The following ULK4 variants were observed in gnomAD, a reference collection of about 807,000 sequenced individuals.
ULK4 encodes unc-51 like kinase 4, also known as inactive serine/threonine-protein kinase ULK4.
ULK4 carries 133 observed loss-of-function variants against 160.6 expected under a neutral mutation model. The ratio of observed to expected loss-of-function variants is 0.83; its 90% CI spans 0.72 to 0.96. ULK4 has a LOEUF of 0.96. Among genes scored for constraint, ULK4 ranks in the 40% least tolerant of loss-of-function variants. The probability of loss-of-function intolerance (pLI) is 0.00; values close to 1 mark genes in which losing one functional copy is unlikely to be tolerated. For missense variants in ULK4, 1,580 were observed against 1,499.5 expected (o/e 1.05, Z -0.89); for synonymous variants, 534 against 539.8 (o/e 0.99, Z 0.15).
chr3:41,529,756 G>C (rs1164906796), intron 32 of ULK4, among the ~76,000 whole-genome samples: 1 of 152,194 alleles, frequency 6.6e-6, no homozygotes, highest in East Asian at 1.9e-4. Context: ...GCCTCCCAAA[G>C]TGCTGGGACT....
intron 35 of ULK4, among the ~76,000 whole-genome samples, chr3:41,378,230 G>T (rs1464926503): frequency 8.2e-4 from 100 of 122,256 alleles, no homozygotes; most frequent in Non-Finnish European, 1.5e-3. Flanking sequence ...GTCGTGGGGT[G>T]GGGGGAGGGG....
At chr3:41,492,285 T>C (rs1400084309) in intron 32 of ULK4, among the ~76,000 whole-genome samples, 1 of 152,190 alleles carries the variant, frequency 6.6e-6, no homozygotes, top group Admixed American at 6.5e-5. Context: ...TCTCTAGTTC[T>C]AGATCCCTGA....
At chr3:41,464,648 C>A (rs1232619138) in intron 32 of ULK4, among the ~76,000 whole-genome samples, 1 of 152,154 alleles carries the variant, frequency 6.6e-6, no homozygotes, top group East Asian at 1.9e-4. Context: ...GATAGAAGGG[C>A]TTGAAAACAT....
chr3:41,410,081 C>T (rs1376293876), intron 34 of ULK4, among the ~76,000 whole-genome samples: 1 of 152,108 alleles, frequency 6.6e-6, no homozygotes, highest in Non-Finnish European at 1.5e-5. Flanking sequence ...CTGAAACCCT[C>T]ATATACTGCT....
At chr3:41,344,752 C>CAAAAAAAAAAAAAAAAAAAAAAAAAAAAA (rs59466358) in intron 35 of ULK4, among the ~76,000 whole-genome samples, 1 of 62,820 alleles carries the variant, frequency 1.6e-5, no homozygotes, top group Non-Finnish European at 3.1e-5. Context: ...GACTCTGTCT[C>CAAAAAAAAAAAAAAAAAAAAAAAAAAAAA]AAAAAAAAAA....
chr3:41,711,934 C>T (rs2037109804), intron 25 of ULK4, among the ~76,000 whole-genome samples: 1 of 152,170 alleles, frequency 6.6e-6, no homozygotes, highest in Non-Finnish European at 1.5e-5. Context: ...GGAGAGGGAG[C>T]TGAGTAAGAC....
intron 30 of ULK4, among the ~76,000 whole-genome samples, chr3:41,624,904 A>AT (rs910020194): frequency 4.7e-4 from 71 of 150,882 alleles, no homozygotes; most frequent in South Asian, 1.0e-3. Context: ...TAGTAATCAC[A>AT]TTTTTTTTTG....
intron 35 of ULK4, among the ~76,000 whole-genome samples, chr3:41,376,546 G>C (rs1191861416): frequency 6.7e-6 from 1 of 149,822 alleles, no homozygotes; most frequent in Non-Finnish European, 1.5e-5. Flanking sequence ...CAAAATCAAT[G>C]TACAAAAATC....
intron 2 of ULK4, among the ~76,000 whole-genome samples, chr3:41,954,176 T>TA (rs11325222): frequency 0.68 from 81,067 of 118,416 alleles, 29,130 homozygotes; most frequent in Non-Finnish European, 0.79. Context: ...GACTCCGTCT[T>TA]AAAAAAAAAA....
At chr3:41,474,001 A>C (rs2084067664) in intron 32 of ULK4, among the ~76,000 whole-genome samples, 1 of 152,212 alleles carries the variant, frequency 6.6e-6, no homozygotes, top group African/African-American at 2.4e-5. Context: ...ACAATTGTAA[A>C]ATTCAAATGG....
intron 17 of ULK4, among the ~76,000 whole-genome samples, chr3:41,838,160 A>G (rs1320054356): frequency 6.6e-6 from 1 of 152,228 alleles, no homozygotes; most frequent in Non-Finnish European, 1.5e-5. Flanking sequence ...AAGAGAAAGA[A>G]AATGACGAAA....
Position 41,455,521 on chromosome 3 carries a change from G to A in ULK4, c.3468C>T (p.Asp1156=), listed in dbSNP as rs1204728430. 1 of 1,614,028 alleles carries A rather than the reference G, an allele frequency of 6.2e-7. No homozygotes were observed. The highest frequency in any genetic ancestry group is 2.2e-5 in the East Asian group (1 of 44,864). The change falls in exon 34 of 37, where the codon GAC becomes GAT. Residue 1156 remains aspartate, a synonymous_variant. Coordinates refer to ENST00000301831, the MANE Select transcript of ULK4 (RefSeq NM_017886.4). ...CCAGTGGAATGAGCAGGCTAATCAG[G>A]TCTGTCAGAGGTCTGTTGAGCAGCA... is the stretch of plus-strand genomic sequence containing the variant. The part of the protein sequence containing the change: ...DLLLLNRPLT[D]LISLLIPLLP...
At chr3:41,373,606 G>C (rs954512465) in intron 35 of ULK4, among the ~76,000 whole-genome samples, 2 of 152,096 alleles carry the variant, frequency 1.3e-5, no homozygotes, top group Admixed American at 6.6e-5. Context: ...AAGACACAAT[G>C]TACCAGAATC....
chr3:41,936,159 C>T (rs1039041847), intron 3 of ULK4, among the ~76,000 whole-genome samples: 2 of 152,164 alleles, frequency 1.3e-5, no homozygotes, highest in Non-Finnish European at 2.9e-5. Context: ...AAAGTGCCTG[C>T]TCCCTATGGA....
intron 19 of ULK4, among the ~76,000 whole-genome samples, chr3:41,804,218 G>C (rs1420073261): frequency 2.0e-5 from 3 of 151,822 alleles, no homozygotes; most frequent in Non-Finnish European, 4.4e-5. Context: ...GTTTTGATTT[G>C]CATTTCTCTG....
At chr3:41,632,875 C>A (rs529135357) in intron 30 of ULK4, among the ~76,000 whole-genome samples, 5 of 152,148 alleles carry the variant, frequency 3.3e-5, no homozygotes, top group African/African-American at 9.6e-5. Context: ...AGATCAGAGT[C>A]CACATTCTAC....
chr3:41,525,921 A>T (rs1025129319), intron 32 of ULK4, among the ~76,000 whole-genome samples: 4 of 152,124 alleles, frequency 2.6e-5, no homozygotes, highest in African/African-American at 9.7e-5. Context: ...TTGTGTGACT[A>T]CCTAAAGCCT....
At chr3:41,758,900 A>C (rs951153554) in intron 21 of ULK4, among the ~76,000 whole-genome samples, 1 of 152,072 alleles carries the variant, frequency 6.6e-6, no homozygotes, top group African/African-American at 2.4e-5. Context: ...GGTGTAATTC[A>C]TCATAATTAA....
At chr3:41,533,308 AATTT>A (rs1383431370) in intron 32 of ULK4, among the ~76,000 whole-genome samples, 9 of 152,124 alleles carry the variant, frequency 5.9e-5, no homozygotes, top group Admixed American at 2.0e-4. Context: ...GACATAGTAA[AATTT>A]ATTTATTATT....
Sources: allele counts gnomAD v4.1 joint callset (sites outside exome capture counted in the v4.1 genomes callset), GRCh38; gene constraint gnomAD v4.1.1; transcripts MANE v1.5; gene names NCBI Gene and HGNC (gene_info 2026-07-23, HGNC 2026-07-21).